Variants in ATP6V0E1 observed in about 807,000 individuals in gnomAD.
The protein encoded by ATP6V0E1 is V-type proton ATPase subunit e 1.
In ATP6V0E1, 4 loss-of-function variants were observed where a neutral mutation model predicts 11.6. That is an observed-to-expected ratio of 0.35 (90% CI 0.17 to 0.79). The LOEUF (loss-of-function observed/expected upper bound fraction) is 0.79, where lower values mean the gene tolerates loss of function less well. Among genes scored for constraint, ATP6V0E1 ranks in the 30% least tolerant of loss-of-function variants. The pLI is 0.54. For missense variants in ATP6V0E1, 105 were observed against 100.0 expected (o/e 1.05, Z -0.21); for synonymous variants, 36 against 34.8 (o/e 1.04, Z -0.13).
chr5:173,026,665 T>G (rs147224650), intron 3 of ATP6V0E1, among the ~76,000 whole-genome samples: 1 of 152,370 alleles, frequency 6.6e-6, no homozygotes, highest in Non-Finnish European at 1.5e-5. Flanking sequence ...CTCATCTCTT[T>G]ATAGCCATTG....
chr5:173,016,070 C>T (rs1479186915), intron 2 of ATP6V0E1, among the ~76,000 whole-genome samples: 3 of 152,140 alleles, frequency 2.0e-5, no homozygotes, highest in Non-Finnish European at 4.4e-5. Flanking sequence ...CCCTGAGCTC[C>T]GCGAGCTGCT....
chr5:172,983,823 G>T lies in ATP6V0E1; in HGVS notation c.-38G>T. The T allele has an allele frequency of 6.3e-7, 1 of 1,595,048 alleles. No homozygotes were observed. The highest frequency in any genetic ancestry group is 8.6e-7 in the Non-Finnish European group (1 of 1,163,488). ...TGACACTTCCTGGTGGGATCCGAGT[G>T]AGGCGACGGGGTAGGGGTTGGCGCT... On this transcript the variant is annotated 5_prime_UTR_variant, in exon 1 of 4. Transcript: ENST00000519374.
intron 2 of ATP6V0E1, among the ~76,000 whole-genome samples, chr5:173,007,539 C>T (rs896484903): frequency 6.6e-6 from 1 of 152,060 alleles, no homozygotes; most frequent in South Asian, 2.1e-4. Flanking sequence ...AAACCACAGT[C>T]GGTTAAGCAG....
At chr5:172,999,005 G>A (rs1035813257) in intron 2 of ATP6V0E1, among the ~76,000 whole-genome samples, 2 of 151,730 alleles carry the variant, frequency 1.3e-5, no homozygotes, top group Admixed American at 1.3e-4. Context: ...ATGTGGTGGC[G>A]GGCACCTATA....
intron 2 of ATP6V0E1, among the ~76,000 whole-genome samples, chr5:173,005,555 T>C (rs1756216510): frequency 1.3e-5 from 2 of 152,186 alleles, no homozygotes; most frequent in African/African-American, 2.4e-5. Flanking sequence ...TTAATGTAAT[T>C]TTTGATGCTC....
intron 2 of ATP6V0E1, 95 bp from the exon 3 acceptor site, chr5:173,020,143 A>G: frequency 2.1e-6 from 2 of 950,586 alleles, no homozygotes; most frequent in Non-Finnish European, 3.3e-6. Flanking sequence ...AGTAGATTTA[A>G]GTTTTGCTAG....
At chr5:173,006,407 G>C (rs1756230959) in intron 2 of ATP6V0E1, among the ~76,000 whole-genome samples, 1 of 145,830 alleles carries the variant, frequency 6.9e-6, no homozygotes, top group Non-Finnish European at 1.5e-5. Context: ...TCAGGAGATC[G>C]AGACCATCCT....
intron 2 of ATP6V0E1, among the ~76,000 whole-genome samples, chr5:173,016,972 C>T (rs1180889176): frequency 6.6e-6 from 1 of 151,930 alleles, no homozygotes; most frequent in South Asian, 2.1e-4. Context: ...TGTCATGTTT[C>T]CTGTCACAAA....
intron 3 of ATP6V0E1, among the ~76,000 whole-genome samples, chr5:173,029,641 G>A (rs1008783046): frequency 1.3e-5 from 2 of 152,042 alleles, no homozygotes; most frequent in Non-Finnish European, 2.9e-5. Context: ...TAGTTCTCTG[G>A]GGCCTGCAGC....
chr5:173,023,858 A>ACAAG (rs61251743), intron 3 of ATP6V0E1, among the ~76,000 whole-genome samples: 1 of 151,814 alleles, frequency 6.6e-6, no homozygotes, highest in Non-Finnish European at 1.5e-5. Flanking sequence ...AAACAAACAA[A>ACAAG]CAAAAAACTT....
chr5:172,999,594 T>TA (rs1473007528), intron 2 of ATP6V0E1, among the ~76,000 whole-genome samples: 13 of 152,250 alleles, frequency 8.5e-5, no homozygotes, highest in African/African-American at 3.1e-4. Flanking sequence ...TCCAAAGTGC[T>TA]AGGATTACAG....
intron 3 of ATP6V0E1, among the ~76,000 whole-genome samples, chr5:173,031,773 C>T (rs372819119): frequency 6.8e-5 from 10 of 148,090 alleles, no homozygotes; most frequent in Non-Finnish European, 1.5e-5. Flanking sequence ...GAGTGGAGAT[C>T]GCGCCACTGC....
rs181311332 is a variant in ATP6V0E1 at position 172,992,867 on chromosome 5, G to A, written c.105-1908G>A. ...TGCTGGAGTGCAATAGCGCAATCTC[G>A]GCTCACTGCAACGTCTGCCTCCCAA... is the stretch of plus-strand genomic sequence containing the variant. On this transcript the variant is annotated intron_variant, in intron 1 of 3. Coordinates refer to ENST00000519374, the MANE Select transcript of ATP6V0E1 (RefSeq NM_003945.4). Among the ~76,000 whole-genome samples the A allele has an allele frequency of 5.2e-3, 795 of 151,952 alleles. 10 individuals carry two copies. Among genetic ancestry groups the A allele is most frequent in the African/African-American group, 0.018 (742 of 41,442 alleles).
At chr5:172,984,696 G>C (rs1350362230) in intron 1 of ATP6V0E1, among the ~76,000 whole-genome samples, 3 of 152,178 alleles carry the variant, frequency 2.0e-5, no homozygotes, top group Non-Finnish European at 4.4e-5. Context: ...GTATAAAATA[G>C]AGGCTTAATC....
chr5:173,005,400 G>C (rs1387783151), intron 2 of ATP6V0E1, among the ~76,000 whole-genome samples: 1 of 152,162 alleles, frequency 6.6e-6, no homozygotes, highest in Admixed American at 6.5e-5. Flanking sequence ...TTTTAATAGA[G>C]ATGGCATTTT....
chr5:173,012,212 A>G (rs1246261526), intron 2 of ATP6V0E1, among the ~76,000 whole-genome samples: 2 of 151,694 alleles, frequency 1.3e-5, no homozygotes, highest in African/African-American at 4.8e-5. Flanking sequence ...TTATATTTTT[A>G]GTAGAGATAG....
Position 172,989,946 on chromosome 5 carries a change from C to T in ATP6V0E1, c.105-4829C>T, listed in dbSNP as rs557578204. 1.1e-4 allele frequency among the ~76,000 whole-genome samples: 17 copies of T among 152,304 alleles called. No individual in the cohort carries two copies. The South Asian group carries it at 3.3e-3, about 30-fold the overall frequency. ...CTCAACCTGGGCTCACACAATCCTT[C>T]TGCTTCAGCCTCCAGCATAGCTGGG... On this transcript the variant is annotated intron_variant, in intron 1 of 3. Coordinates refer to ENST00000519374, the MANE Select transcript of ATP6V0E1 (RefSeq NM_003945.4).
At chr5:173,022,980 C>T (rs1333416255) in intron 3 of ATP6V0E1, among the ~76,000 whole-genome samples, 1 of 152,002 alleles carries the variant, frequency 6.6e-6, no homozygotes, top group East Asian at 1.9e-4. Context: ...ATCGACCTGT[C>T]TTAGCCTCCC....
chr5:172,992,124 C>T (rs953956327), intron 1 of ATP6V0E1, among the ~76,000 whole-genome samples: 4 of 152,020 alleles, frequency 2.6e-5, no homozygotes, highest in African/African-American at 9.7e-5. Context: ...GATCTCGGCT[C>T]ACTGCAAGCT....
Sources: allele counts gnomAD v4.1 joint callset (sites outside exome capture counted in the v4.1 genomes callset), GRCh38; gene constraint gnomAD v4.1.1; transcripts MANE v1.5; gene names NCBI Gene and HGNC (gene_info 2026-07-23, HGNC 2026-07-21).